The following PDSS2 variants were observed in gnomAD, a reference collection of about 807,000 sequenced individuals.
PDSS2 encodes the protein all trans-polyprenyl-diphosphate synthase PDSS2.
In PDSS2, 31 loss-of-function variants were observed where a neutral mutation model predicts 44.5. The observed-to-expected ratio is 0.70, with a 90% CI of 0.52 to 0.94. The LOEUF (loss-of-function observed/expected upper bound fraction) is 0.94, where lower values mean the gene tolerates loss of function less well. Ranked by LOEUF, PDSS2 falls within the 40% of genes least tolerant of loss-of-function variation. The pLI, the probability that PDSS2 is intolerant of heterozygous loss-of-function variation, is 0.00. For missense variants in PDSS2, 452 were observed against 482.2 expected (o/e 0.94, Z 0.59); for synonymous variants, 157 against 180.3 (o/e 0.87, Z 1.03).
intron 6 of PDSS2, among the ~76,000 whole-genome samples, chr6:107,203,002 G>C (rs553705700): frequency 6.6e-6 from 1 of 151,242 alleles, no homozygotes; most frequent in African/African-American, 2.4e-5. Context: ...TGCTCTCTTG[G>C]AATCTGGAAG....
intron 2 of PDSS2, among the ~76,000 whole-genome samples, chr6:107,279,492 C>T (rs1452596429): frequency 1.3e-5 from 2 of 152,162 alleles, no homozygotes; most frequent in African/African-American, 4.8e-5. Context: ...TTAGCCTAAT[C>T]AGGAATCTGG....
rs914765248 is a variant in PDSS2 at position 107,284,439 on chromosome 6, T to C, written c.432-10212A>G. Among the ~76,000 whole-genome samples, 7 of 152,088 alleles carry C rather than the reference T, an allele frequency of 4.6e-5. No individual in the cohort carries two copies. In the South Asian group the frequency reaches 1.5e-3, roughly 32 times the overall value. ...ACTTCGGGAGGCCAACACAGGCGGA[T>C]CACCTGAAGTCAGGAGTTCGAGACC... On this transcript the variant is annotated intron_variant, in intron 2 of 7. Coordinates refer to ENST00000369037, the MANE Select transcript of PDSS2 (RefSeq NM_020381.4).
chr6:107,240,502 G>C (rs920414844), intron 4 of PDSS2, among the ~76,000 whole-genome samples: 1 of 149,554 alleles, frequency 6.7e-6, no homozygotes, highest in African/African-American at 2.5e-5. Context: ...AGGTTCAAGC[G>C]ATCCTCCTGC....
chr6:107,253,250 G>A (rs369654199), intron 3 of PDSS2, among the ~76,000 whole-genome samples: 1 of 151,992 alleles, frequency 6.6e-6, no homozygotes. Context: ...CACTGGCCAG[G>A]CTGGTCTCGA....
chr6:107,384,566 G>A (rs375409684), intron 1 of PDSS2, among the ~76,000 whole-genome samples: 30 of 151,822 alleles, frequency 2.0e-4, no homozygotes, highest in African/African-American at 6.5e-4. Context: ...GCTGGAACCC[G>A]GGAGGCAGAG....
chr6:107,273,583 G>GA (rs1033734349), intron 3 of PDSS2, among the ~76,000 whole-genome samples: 7 of 151,782 alleles, frequency 4.6e-5, no homozygotes, highest in Non-Finnish European at 1.0e-4. Flanking sequence ...TATTATGTAA[G>GA]AAAAAATAGG....
At chr6:107,344,688 G>A (rs1213640128) in intron 1 of PDSS2, among the ~76,000 whole-genome samples, 2 of 152,170 alleles carry the variant, frequency 1.3e-5, no homozygotes, top group African/African-American at 4.8e-5. Flanking sequence ...TGCAGGGGTT[G>A]TTGAGCAGGG....
At chr6:107,224,033 GA>G (rs1773704546) in intron 4 of PDSS2, among the ~76,000 whole-genome samples, 1 of 151,330 alleles carries the variant, frequency 6.6e-6, no homozygotes, top group African/African-American at 2.5e-5. Context: ...GCATGCCAGG[GA>G]TCTAGGTTGC....
intron 7 of PDSS2, among the ~76,000 whole-genome samples, chr6:107,179,975 A>C (rs909416551): frequency 1.3e-5 from 2 of 152,180 alleles, no homozygotes; most frequent in African/African-American, 4.8e-5. Flanking sequence ...TGGAAATATG[A>C]ATCTAGGTAA....
At chr6:107,297,452 G>A (rs1035333787) in intron 2 of PDSS2, among the ~76,000 whole-genome samples, 4 of 148,684 alleles carry the variant, frequency 2.7e-5, no homozygotes, top group African/African-American at 7.5e-5. Flanking sequence ...GTGCGATCTC[G>A]GCTCCCTGCA....
chr6:107,297,134 A>G (rs527251177), intron 2 of PDSS2, among the ~76,000 whole-genome samples: 2 of 152,236 alleles, frequency 1.3e-5, no homozygotes, highest in African/African-American at 4.8e-5. Flanking sequence ...AAAGGAATAC[A>G]CCCCATCCTA....
At chr6:107,343,091 T>G (rs931699975) in intron 1 of PDSS2, among the ~76,000 whole-genome samples, 11 of 152,184 alleles carry the variant, frequency 7.2e-5, no homozygotes, top group Admixed American at 6.5e-5. Flanking sequence ...GCTGGGAAAG[T>G]GAGCCACCAC....
At chr6:107,203,077 C>G (rs1294779195) in intron 6 of PDSS2, among the ~76,000 whole-genome samples, 3 of 152,112 alleles carry the variant, frequency 2.0e-5, no homozygotes, top group Non-Finnish European at 4.4e-5. Flanking sequence ...CTCAGAAAGG[C>G]CATGATTAAG....
chr6:107,400,355 G>A (rs368430662), intron 1 of PDSS2, among the ~76,000 whole-genome samples: 4 of 152,132 alleles, frequency 2.6e-5, no homozygotes, highest in East Asian at 1.9e-4. Context: ...AGTCTCAAGC[G>A]GGGAGGACAC....
intron 3 of PDSS2, among the ~76,000 whole-genome samples, chr6:107,255,911 G>A (rs1464748097): frequency 6.6e-6 from 1 of 152,098 alleles, no homozygotes; most frequent in African/African-American, 2.4e-5. Flanking sequence ...ATCATTCTTG[G>A]GTACTATGGA....
chr6:107,257,342 A>T (rs929501349), intron 3 of PDSS2, among the ~76,000 whole-genome samples: 1 of 151,992 alleles, frequency 6.6e-6, no homozygotes, highest in Non-Finnish European at 1.5e-5. Context: ...GTTTGAGACC[A>T]GCCTGGGCAC....
intron 2 of PDSS2, among the ~76,000 whole-genome samples, chr6:107,315,560 C>T (rs1777173585): frequency 6.6e-6 from 1 of 152,034 alleles, no homozygotes; most frequent in African/African-American, 2.4e-5. Context: ...GCTGTCATGT[C>T]AGACCCTGTG....
At chr6:107,250,280 G>T (rs1286462486) in intron 3 of PDSS2, among the ~76,000 whole-genome samples, 2 of 151,690 alleles carry the variant, frequency 1.3e-5, no homozygotes, top group Non-Finnish European at 1.5e-5. Flanking sequence ...AGTATGAAAG[G>T]TATTTTAAAA....
intron 2 of PDSS2, among the ~76,000 whole-genome samples, chr6:107,284,847 T>C (rs1328547332): frequency 5.3e-5 from 8 of 152,210 alleles, no homozygotes; most frequent in Admixed American, 5.2e-4. Context: ...TCTGAGACAA[T>C]TACTGTATGC....
Sources: gnomAD v4.1 joint callset for allele counts (sites outside exome capture counted in the v4.1 genomes callset) on GRCh38, gnomAD v4.1.1 for gene constraint, MANE v1.5 for transcripts, NCBI Gene and HGNC (gene_info 2026-07-23, HGNC 2026-07-21) for gene names.